Variants in NXPE2 observed in about 807,000 individuals in gnomAD.
The protein encoded by NXPE2 is neurexophilin and PC-esterase domain family member 2.
NXPE2 carries 34 observed loss-of-function variants against 34.4 expected under a neutral mutation model. The ratio of observed to expected loss-of-function variants is 0.99; its 90% CI spans 0.75 to 1.31. NXPE2 has a LOEUF of 1.31. NXPE2 is among the 40% of genes most tolerant of loss of function. The probability of loss-of-function intolerance (pLI) is 0.00; values close to 1 mark genes in which losing one functional copy is unlikely to be tolerated. For synonymous variants in NXPE2, 235 were observed against 231.3 expected, an observed-to-expected ratio of 1.02 and a Z score of -0.15; for missense variants, 649 against 672.5, an observed-to-expected ratio of 0.97 and a Z score of 0.39.
chr11:114,737,985 G>T, the NXPE2 span, among the ~76,000 whole-genome samples: 1 of 152,196 alleles, frequency 6.6e-6, no homozygotes, highest in African/African-American at 2.4e-5. Context: ...TACTCAGGAG[G>T]CTGAGGCATG....
At chr11:114,688,297 G>C (rs1008690685) in intron 2 of NXPE2, among the ~76,000 whole-genome samples, 1 of 152,034 alleles carries the variant, frequency 6.6e-6, no homozygotes, top group African/African-American at 2.4e-5. Context: ...ATCATAAAGG[G>C]ATGTTGGATT....
chr11:114,737,552 C>T, the NXPE2 span, among the ~76,000 whole-genome samples: 710 of 152,262 alleles, frequency 4.7e-3, 3 homozygotes, highest in African/African-American at 0.015. Flanking sequence ...TAGGCTATAA[C>T]ATGTCTTCCT....
chr11:114,795,950 C>T, the NXPE2 span, among the ~76,000 whole-genome samples: 9 of 152,314 alleles, frequency 5.9e-5, no homozygotes, highest in African/African-American at 1.9e-4. Flanking sequence ...GGTAGATCCA[C>T]CCTATCCCAA....
the NXPE2 span, among the ~76,000 whole-genome samples, chr11:114,650,942 G>C: frequency 6.6e-6 from 1 of 152,048 alleles, no homozygotes; most frequent in East Asian, 1.9e-4. Context: ...AGATGGCTGA[G>C]AGCACATCAG....
chr11:114,789,652 AG>A, the NXPE2 span, among the ~76,000 whole-genome samples: 2 of 152,194 alleles, frequency 1.3e-5, no homozygotes, highest in African/African-American at 4.8e-5. Context: ...ATGGGAAAAG[AG>A]GGTTAGTTGG....
chr11:114,612,510 C>A, the NXPE2 span, among the ~76,000 whole-genome samples: 1 of 151,150 alleles, frequency 6.6e-6, no homozygotes, highest in Non-Finnish European at 1.5e-5. Flanking sequence ...ATAAGTGTTT[C>A]CTCGGGGGTA....
At chr11:114,683,574 C>A (rs1950987394) in intron 2 of NXPE2, among the ~76,000 whole-genome samples, 2 of 152,172 alleles carry the variant, frequency 1.3e-5, no homozygotes, top group South Asian at 4.2e-4. Context: ...GCGCGTGCCA[C>A]CAGGTCCAGC....
chr11:114,582,565 T>C, the NXPE2 span: 2 of 1,614,122 alleles, frequency 1.2e-6, no homozygotes, highest in Non-Finnish European at 1.7e-6. Flanking sequence ...ACCCCTTCAC[T>C]GGGGTGGATG....
At chr11:114,772,235 T>A in the NXPE2 span, among the ~76,000 whole-genome samples, 1 of 152,018 alleles carries the variant, frequency 6.6e-6, no homozygotes, top group Non-Finnish European at 1.5e-5. Flanking sequence ...AAAAGGGAAG[T>A]TGGGAATGGA....
chr11:114,468,270 G>A, the NXPE2 span, among the ~76,000 whole-genome samples: 2,667 of 152,268 alleles, frequency 0.018, 75 homozygotes, highest in African/African-American at 0.061. Context: ...TAGAGGTGGG[G>A]TGGGCTTGGG....
At chr11:114,732,654 A>ATT in the NXPE2 span, among the ~76,000 whole-genome samples, 1 of 151,842 alleles carries the variant, frequency 6.6e-6, no homozygotes, top group African/African-American at 2.4e-5. Context: ...ACTTTAAACA[A>ATT]TTTTTTTTTA....
chr11:114,721,507 C>A, the NXPE2 span, among the ~76,000 whole-genome samples: 4 of 151,908 alleles, frequency 2.6e-5, no homozygotes, highest in Non-Finnish European at 4.4e-5. Context: ...CCTGAGCACA[C>A]CTGCATTGAA....
the NXPE2 span, among the ~76,000 whole-genome samples, chr11:114,651,500 A>G: frequency 2.6e-5 from 4 of 152,200 alleles, no homozygotes; most frequent in East Asian, 1.9e-4. Flanking sequence ...AAAGAGCAAA[A>G]GAACAAACCT....
chr11:114,754,606 C>T, the NXPE2 span, among the ~76,000 whole-genome samples: 1 of 152,266 alleles, frequency 6.6e-6, no homozygotes, highest in South Asian at 2.1e-4. Context: ...TTCCAGAAGG[C>T]TGTGTTAGAG....
the NXPE2 span, among the ~76,000 whole-genome samples, chr11:114,599,347 C>G: frequency 6.6e-6 from 1 of 152,164 alleles, no homozygotes; most frequent in Non-Finnish European, 1.5e-5. Context: ...TTGGTGGCAA[C>G]AATTTAACAA....
chr11:114,753,626 G>C, the NXPE2 span, among the ~76,000 whole-genome samples: 9 of 152,078 alleles, frequency 5.9e-5, no homozygotes, highest in Non-Finnish European at 1.0e-4. Context: ...ATTTGAGGAG[G>C]CTCTCACTAG....
chr11:114,471,353 T>A, the NXPE2 span, among the ~76,000 whole-genome samples: 1 of 152,186 alleles, frequency 6.6e-6, no homozygotes, highest in African/African-American at 2.4e-5. Flanking sequence ...ATATGGGTAT[T>A]TAGTTCTTCC....
the NXPE2 span, among the ~76,000 whole-genome samples, chr11:114,546,417 T>C: frequency 1.3e-5 from 2 of 152,136 alleles, no homozygotes; most frequent in African/African-American, 2.4e-5. Context: ...CATATAATTA[T>C]AGATATGCAT....
chr11:114,605,255 C>T, the NXPE2 span, among the ~76,000 whole-genome samples: 5 of 151,898 alleles, frequency 3.3e-5, no homozygotes, highest in African/African-American at 1.2e-4. Context: ...ATAAGTACAG[C>T]CTCGTGGGAA....
Sources: allele counts gnomAD v4.1 joint callset (sites outside exome capture counted in the v4.1 genomes callset), GRCh38; gene constraint gnomAD v4.1.1; transcripts MANE v1.5; gene names NCBI Gene and HGNC (gene_info 2026-07-23, HGNC 2026-07-21).